The following SFMBT2 variants were observed in gnomAD, a reference collection of about 807,000 sequenced individuals.
SFMBT2 encodes Scm like with four mbt domains 2, also known as scm-like with four MBT domains protein 2.
In SFMBT2, 38 loss-of-function variants were observed where a neutral mutation model predicts 110.1. That is an observed-to-expected ratio of 0.35 (90% CI 0.27 to 0.45). The LOEUF (loss-of-function observed/expected upper bound fraction) is 0.45. Among genes scored for constraint, SFMBT2 ranks in the 20% least tolerant of loss-of-function variants. The pLI is 1.00. For synonymous variants in SFMBT2, 425 were observed against 425.4 expected (o/e 1.00, Z 0.01); for missense variants, 1,011 against 1,094.9 (o/e 0.92, Z 1.08).
intron 4 of SFMBT2, among the ~76,000 whole-genome samples, chr10:7,364,698 C>G (rs550595058): frequency 6.6e-6 from 1 of 152,270 alleles, no homozygotes; most frequent in Non-Finnish European, 1.5e-5. Flanking sequence ...ATGGTAAAAC[C>G]GTCGGCAACA....
intron 9 of SFMBT2, among the ~76,000 whole-genome samples, chr10:7,238,089 G>A (rs532833105): frequency 1.3e-5 from 2 of 152,296 alleles, no homozygotes; most frequent in African/African-American, 4.8e-5. Flanking sequence ...ACACAGGGTG[G>A]GGTGGAAGGC....
chr10:7,232,214 G>T (rs536418128), intron 9 of SFMBT2, among the ~76,000 whole-genome samples: 1 of 152,104 alleles, frequency 6.6e-6, no homozygotes, highest in Non-Finnish European at 1.5e-5. Flanking sequence ...ATTTCCCTCG[G>T]ATACAAACTA....
At chr10:7,180,295 ATTT>A (rs35437776) in intron 16 of SFMBT2, among the ~76,000 whole-genome samples, 1 of 143,746 alleles carries the variant, frequency 7.0e-6, no homozygotes, top group African/African-American at 2.6e-5. Flanking sequence ...TATAGTGGTA[ATTT>A]TTTTTTTTTT....
At chr10:7,384,238 A>T (rs12777488) in intron 1 of SFMBT2, among the ~76,000 whole-genome samples, 85 of 145,500 alleles carry the variant, frequency 5.8e-4, no homozygotes, top group Non-Finnish European at 8.3e-4. Context: ...AAAAAAAAAA[A>T]CAACCACAGA....
At chr10:7,298,666 C>T (rs764887562) in intron 4 of SFMBT2, among the ~76,000 whole-genome samples, 2 of 151,854 alleles carry the variant, frequency 1.3e-5, no homozygotes, top group South Asian at 2.1e-4. Flanking sequence ...TATGTATGTG[C>T]GTATGTGCAT....
At chr10:7,215,536 T>C (rs1002048049) in intron 11 of SFMBT2, 12 of 985,218 alleles carry the variant, frequency 1.2e-5, no homozygotes, top group Non-Finnish European at 1.4e-5. Flanking sequence ...ACACTGTACA[T>C]GGGGGCTCCA....
At chr10:7,354,817 A>G (rs1005627421) in intron 4 of SFMBT2, among the ~76,000 whole-genome samples, 13 of 152,258 alleles carry the variant, frequency 8.5e-5, no homozygotes, top group African/African-American at 3.1e-4. Context: ...AAAAGTCTGG[A>G]AAAGCACTAG....
chr10:7,196,065 T>G (rs1279136206), intron 15 of SFMBT2, among the ~76,000 whole-genome samples: 3 of 152,154 alleles, frequency 2.0e-5, no homozygotes, highest in Non-Finnish European at 4.4e-5. Context: ...TTCAATGGCC[T>G]CTTTCTCCTC....
chr10:7,342,489 A>C (rs1843949970), intron 4 of SFMBT2, among the ~76,000 whole-genome samples: 1 of 142,450 alleles, frequency 7.0e-6, no homozygotes, highest in African/African-American at 2.6e-5. Flanking sequence ...GCTCACTGCA[A>C]ACTCCGCCTC....
intron 7 of SFMBT2, among the ~76,000 whole-genome samples, chr10:7,265,926 G>C (rs983227459): frequency 6.6e-6 from 1 of 152,130 alleles, no homozygotes; most frequent in Admixed American, 6.5e-5. Context: ...ATTCTAGCTA[G>C]GGGAAGGAGG....
In SFMBT2 at chr10:7,172,288, C is replaced by T. The variant is rs936777913; in HGVS notation, c.2152-130G>A. 6 of 1,452,034 alleles carry T rather than the reference C, an allele frequency of 4.1e-6. No homozygotes were observed. Among genetic ancestry groups the T allele is most frequent in the African/African-American group, 2.8e-5 (2 of 70,370 alleles). The allele number at this position is 1,452,034 out of a possible 1,614,324, so 89.9% of individuals were successfully genotyped here. On this transcript the variant is annotated intron_variant, in intron 18 of 20. Transcript: ENST00000397167. This position sits in a 1 kb window ranked among gnomAD's most constrained non-coding sequence, Gnocchi z 4.6. ...CGGAAATGGAGCCAGTGGTCCCACC[C>T]GTGGGCCCTACGAGGCCCTTCCCAG...
At chr10:7,209,227 T>C (rs940874621) in intron 11 of SFMBT2, among the ~76,000 whole-genome samples, 2 of 152,230 alleles carry the variant, frequency 1.3e-5, no homozygotes, top group African/African-American at 4.8e-5. Flanking sequence ...CCTTGATTAT[T>C]TGAGGATTGC....
At chr10:7,297,600 C>T (rs1285468982) in intron 4 of SFMBT2, among the ~76,000 whole-genome samples, 2 of 151,910 alleles carry the variant, frequency 1.3e-5, no homozygotes, top group African/African-American at 4.8e-5. Flanking sequence ...GTAAAATGAC[C>T]CCAACCACTC....
At chr10:7,358,601 C>T (rs1844604090) in intron 4 of SFMBT2, among the ~76,000 whole-genome samples, 1 of 152,136 alleles carries the variant, frequency 6.6e-6, no homozygotes, top group Non-Finnish European at 1.5e-5. Context: ...AGAACATCTG[C>T]ATGGCCCTGG....
intron 9 of SFMBT2, among the ~76,000 whole-genome samples, chr10:7,232,985 C>T (rs1046621493): frequency 6.6e-6 from 1 of 151,920 alleles, no homozygotes; most frequent in Admixed American, 6.6e-5. Context: ...AGCCATATGC[C>T]CTTTTCAGGA....
chr10:7,272,505 G>A (rs1343429250), intron 7 of SFMBT2, among the ~76,000 whole-genome samples: 1 of 152,126 alleles, frequency 6.6e-6, no homozygotes, highest in Non-Finnish European at 1.5e-5. Context: ...AGCATGGGGA[G>A]GTGACTGGGA....
At chr10:7,379,075 G>A (rs543047587) in intron 2 of SFMBT2, among the ~76,000 whole-genome samples, 1 of 152,226 alleles carries the variant, frequency 6.6e-6, no homozygotes, top group South Asian at 2.1e-4. Context: ...GCTGTTGAAG[G>A]ATTAGGTGAA....
chr10:7,215,687 G>A (rs1839513133), intron 11 of SFMBT2: 2 of 985,322 alleles, frequency 2.0e-6, no homozygotes, highest in South Asian at 4.7e-5. Context: ...TCCGCTGCAG[G>A]TGCCAGAGGG....
Position 7,205,944 on chromosome 10 carries a change from T to C in SFMBT2, c.1331-16A>G. ...GTCTGCAGCCCTGCATGGGAAGAAGTTGAAACAAGAGGTACAAACAGATCT... is the reference window on the plus strand; with the variant it reads ...GTCTGCAGCCCTGCATGGGAAGAAGCTGAAACAAGAGGTACAAACAGATCT... On this transcript the variant is annotated splice_polypyrimidine_tract_variant and intron_variant, in intron 11 of 20. Coordinates refer to ENST00000397167, the MANE Select transcript of SFMBT2 (RefSeq NM_001387889.1). 1 of 1,613,390 alleles carries C rather than the reference T, an allele frequency of 6.2e-7. No homozygotes were observed. Among genetic ancestry groups the C allele is most frequent in the Admixed American group, 1.7e-5 (1 of 59,966 alleles).
Sources: gnomAD v4.1 joint callset for allele counts (sites outside exome capture counted in the v4.1 genomes callset) on GRCh38, gnomAD v4.1.1 for gene constraint, Gnocchi (gnomAD v3.1) non-coding constraint, MANE v1.5 for transcripts, NCBI Gene and HGNC (gene_info 2026-07-23, HGNC 2026-07-21) for gene names.